ARHGEF10L: variants seen among roughly 807,000 people sequenced by gnomAD.
ARHGEF10L encodes the protein Rho guanine nucleotide exchange factor 10 like, also known as rho guanine nucleotide exchange factor 10-like protein.
Under a neutral mutation model 141.2 loss-of-function variants are expected in ARHGEF10L, and 69 were observed. The observed-to-expected ratio is 0.49, with a 90% CI of 0.40 to 0.60. The LOEUF is 0.60. ARHGEF10L is among the 20% of genes least tolerant of loss of function. The probability of loss-of-function intolerance (pLI) is 0.00; values close to 1 mark genes in which losing one functional copy is unlikely to be tolerated. For missense variants in ARHGEF10L, 1,482 were observed against 1,734.3 expected (o/e 0.85, Z 2.58); for synonymous variants, 711 against 718.5 (o/e 0.99, Z 0.17).
At chr1:17,533,389 T>TGGCCTC in the ARHGEF10L span, among the ~76,000 whole-genome samples, 247 of 152,222 alleles carry the variant, frequency 1.6e-3, no homozygotes, top group Non-Finnish European at 2.9e-3. Flanking sequence ...AGGCTGGTCT[T>TGGCCTC]GAACTCTTGG....
chr1:17,520,404 C>T, the ARHGEF10L span, among the ~76,000 whole-genome samples: 2 of 152,240 alleles, frequency 1.3e-5, no homozygotes, highest in South Asian at 4.1e-4. Context: ...GGGGGCTGCC[C>T]CTGTCACTTG....
intron 12 of ARHGEF10L, 34 bp from the exon 13 acceptor site, chr1:17,624,353 G>A: frequency 1.3e-6 from 2 of 1,549,156 alleles, no homozygotes; most frequent in Non-Finnish European, 8.9e-7. Flanking sequence ...CTGCATTGAG[G>A]CGGTCTCCCT....
chr1:17,575,916 A>G (rs1167415309), intron 1 of ARHGEF10L, among the ~76,000 whole-genome samples: 3 of 152,104 alleles, frequency 2.0e-5, no homozygotes, highest in Admixed American at 6.5e-5. Context: ...CCAGAGCTTG[A>G]CAAGCGTGCT....
chr1:17,528,181 A>C, the ARHGEF10L span, among the ~76,000 whole-genome samples: 2 of 150,490 alleles, frequency 1.3e-5, no homozygotes, highest in Non-Finnish European at 3.0e-5. Context: ...GGTTTTCTTT[A>C]CTTTGAAAAA....
chr1:17,548,258 A>G (rs2076984450), intron 1 of ARHGEF10L, among the ~76,000 whole-genome samples: 1 of 152,226 alleles, frequency 6.6e-6, no homozygotes, highest in Non-Finnish European at 1.5e-5. Context: ...ATTTTATTTA[A>G]TGTTACTATA....
intron 25 of ARHGEF10L, among the ~76,000 whole-genome samples, chr1:17,661,148 C>T (rs950670089): frequency 6.6e-6 from 1 of 152,074 alleles, no homozygotes; most frequent in Non-Finnish European, 1.5e-5. Context: ...TGCAGTGGCA[C>T]TCCACTGCAA....
At chr1:17,611,489 A>T (rs1052414158) in intron 7 of ARHGEF10L, among the ~76,000 whole-genome samples, 4 of 152,176 alleles carry the variant, frequency 2.6e-5, no homozygotes, top group African/African-American at 9.7e-5. Context: ...AGAGAGACTT[A>T]AATGATGTAG....
chr1:17,613,081 A>G lies in ARHGEF10L; in HGVS notation c.633A>G (p.Leu211=), dbSNP rs1392627914. 3.1e-6 allele frequency: 5 copies of G among 1,613,940 alleles called. No homozygotes were observed. In the Admixed American group the frequency reaches 6.7e-5, roughly 22 times the overall value. ...QPKLSPDLTR[L]KERYARTKRD... ...AGCTTTCTCCAGACCTGACTAGGCT[A>G]AAGGAGAGATACGCCAGGACTAAGA... The change falls in exon 8 of 29, where the codon CTA becomes CTG. Residue 211 remains leucine, a synonymous_variant. Transcript: ENST00000361221.
At chr1:17,645,099 C>T (rs1053150775) in intron 21 of ARHGEF10L, among the ~76,000 whole-genome samples, 1 of 152,106 alleles carries the variant, frequency 6.6e-6, no homozygotes, top group African/African-American at 2.4e-5. Flanking sequence ...AGCTCTCATG[C>T]CCAGGGGGTG....
At position 17,623,813 on chromosome 1, in the gene ARHGEF10L, TA is replaced by T. The variant is rs1242595593; in HGVS notation, c.1201-570del. On this transcript the variant is annotated intron_variant, in intron 12 of 28. Coordinates refer to ENST00000361221, the MANE Select transcript of ARHGEF10L (RefSeq NM_018125.4). The surrounding 1 kb of genome is among the most constrained non-coding windows in gnomAD (Gnocchi z 4.7). ...TGTGTTTTAGGTAACTAGGTTTTGC[TA>T]AAAGAAAAAAACTTTTTTTTGAAAG... Among the ~76,000 whole-genome samples the T allele has an allele frequency of 6.6e-6, 1 of 152,142 alleles. No homozygotes were observed. Among genetic ancestry groups the T allele is most frequent in the Non-Finnish European group, 1.5e-5 (1 of 68,010 alleles).
upstream of ARHGEF10L, among the ~76,000 whole-genome samples, chr1:17,535,308 G>A (rs1254603005): frequency 6.6e-6 from 1 of 152,208 alleles, no homozygotes; most frequent in African/African-American, 2.4e-5. Context: ...AGGTGGTAAT[G>A]TGAGTGATGG....
At chr1:17,622,133 G>A (rs987952708) in intron 11 of ARHGEF10L, among the ~76,000 whole-genome samples, 192 bp downstream of exon 11, 1 of 152,140 alleles carries the variant, frequency 6.6e-6, no homozygotes, top group African/African-American at 2.4e-5. Flanking sequence ...GGTGTTCACG[G>A]GAGTGACTTC....
At chr1:17,582,284 G>T (rs2078638131) in intron 2 of ARHGEF10L, among the ~76,000 whole-genome samples, 1 of 152,064 alleles carries the variant, frequency 6.6e-6, no homozygotes, top group African/African-American at 2.4e-5. Context: ...CCACCAAGAG[G>T]CCTGAACCTG....
In ARHGEF10L at chr1:17,623,977, A is replaced by G. The variant is rs1226558679; in HGVS notation, c.1201-410A>G. Among the ~76,000 whole-genome samples, 2 of 152,136 alleles carry G rather than the reference A, an allele frequency of 1.3e-5. No individual in the cohort carries two copies. Among genetic ancestry groups the G allele is most frequent in the Non-Finnish European group, 2.9e-5 (2 of 68,006 alleles). On this transcript the variant is annotated intron_variant, in intron 12 of 28. Transcript: ENST00000361221. This position sits in a 1 kb window ranked among gnomAD's most constrained non-coding sequence, Gnocchi z 4.7. ...AACTCTGGGCACGCTGCCCGGTGAGAGGCCAGGAGCACTTTCCTTAAAGGT... is the reference window on the plus strand; with the variant it reads ...AACTCTGGGCACGCTGCCCGGTGAGGGGCCAGGAGCACTTTCCTTAAAGGT...
rs1467338875 is a variant in ARHGEF10L at position 17,558,769 on chromosome 1, G to T, written c.-44+18819G>T. ...TGTCAGTGAATGGGGAGATGAGTCA[G>T]AAAGGATGCCCTGTGAACCTCACTG... On this transcript the variant is annotated intron_variant, in intron 1 of 28. Coordinates refer to ENST00000361221, the MANE Select transcript of ARHGEF10L (RefSeq NM_018125.4). The surrounding 1 kb of genome is among the most constrained non-coding windows in gnomAD (Gnocchi z 4.2). Among the ~76,000 whole-genome samples, 1 of 152,246 alleles carries T rather than the reference G, an allele frequency of 6.6e-6. No homozygotes were observed. Among genetic ancestry groups the T allele is most frequent in the African/African-American group, 2.4e-5 (1 of 41,460 alleles).
chr1:17,683,618 G>A (rs2102450455), intron 26 of ARHGEF10L, among the ~76,000 whole-genome samples: 1 of 112,078 alleles, frequency 8.9e-6, no homozygotes, highest in Admixed American at 8.3e-5. Context: ...AGACATGCCA[G>A]GCTGGGGCTG....
At chr1:17,634,603 G>A in intron 17 of ARHGEF10L, 41 bp downstream of exon 17, 2 of 1,608,328 alleles carry the variant, frequency 1.2e-6, no homozygotes, top group Non-Finnish European at 1.7e-6. Context: ...GGGCTCTGGG[G>A]CTCTGGGGCT....
At chr1:17,537,725 C>T (rs1049993177), upstream of ARHGEF10L, among the ~76,000 whole-genome samples, 5 of 151,608 alleles carry the variant, frequency 3.3e-5, no homozygotes, top group African/African-American at 4.8e-5. Flanking sequence ...GGAAATAAGA[C>T]AATAAAGAAG....
At chr1:17,696,292 C>T (rs183737963) in intron 28 of ARHGEF10L, among the ~76,000 whole-genome samples, 2 of 151,758 alleles carry the variant, frequency 1.3e-5, no homozygotes, top group Non-Finnish European at 2.9e-5. Context: ...TTTTGTCCAT[C>T]CAGGGGGCAT....
Sources: gnomAD v4.1 joint callset for allele counts (sites outside exome capture counted in the v4.1 genomes callset) on GRCh38, gnomAD v4.1.1 for gene constraint, Gnocchi (gnomAD v3.1) non-coding constraint, MANE v1.5 for transcripts, NCBI Gene and HGNC (gene_info 2026-07-23, HGNC 2026-07-21) for gene names.